The following LOC128706666 variants were observed in gnomAD, a reference collection of about 807,000 sequenced individuals.
chr20:10,422,940 T>C, the LOC128706666 span, among the ~76,000 whole-genome samples: 1 of 152,056 alleles, frequency 6.6e-6, no homozygotes, highest in Non-Finnish European at 1.5e-5. Context: ...CTCGATCTCC[T>C]GACCTTGCGA....
chr20:10,429,698 T>C, the LOC128706666 span, among the ~76,000 whole-genome samples: 1 of 152,184 alleles, frequency 6.6e-6, no homozygotes, highest in South Asian at 2.1e-4. Context: ...CATCCTGCCA[T>C]TTGACATAAG....
the LOC128706666 span, among the ~76,000 whole-genome samples, chr20:10,416,896 A>G: frequency 6.6e-6 from 1 of 152,176 alleles, no homozygotes; most frequent in Non-Finnish European, 1.5e-5. Context: ...GAGTGCTTTT[A>G]CACTACAACA....
chr20:10,433,165 G>T, the LOC128706666 span, among the ~76,000 whole-genome samples: 3 of 152,224 alleles, frequency 2.0e-5, no homozygotes, highest in African/African-American at 4.8e-5. Flanking sequence ...CACTGCGCCC[G>T]GCTCATTTTT....
At chr20:10,427,029 G>C in the LOC128706666 span, among the ~76,000 whole-genome samples, 5 of 130,726 alleles carry the variant, frequency 3.8e-5, no homozygotes, top group African/African-American at 6.2e-5. Context: ...AGAAAACACT[G>C]ACACACACAC....
chr20:10,428,325 C>G, the LOC128706666 span, among the ~76,000 whole-genome samples: 3 of 152,274 alleles, frequency 2.0e-5, no homozygotes, highest in Middle Eastern at 3.4e-3. Context: ...GATCAGATAC[C>G]TAGATGAATG....
the LOC128706666 span, among the ~76,000 whole-genome samples, chr20:10,415,954 C>A: frequency 6.6e-6 from 1 of 151,806 alleles, no homozygotes; most frequent in Non-Finnish European, 1.5e-5. Flanking sequence ...AGGTCTAGAC[C>A]TGAACAAAAG....
At chr20:10,424,354 G>A in the LOC128706666 span, among the ~76,000 whole-genome samples, 2 of 152,022 alleles carry the variant, frequency 1.3e-5, no homozygotes, top group South Asian at 2.1e-4. Context: ...CCATGAGTTC[G>A]AGACTGCCTG....
the LOC128706666 span, among the ~76,000 whole-genome samples, chr20:10,421,167 C>G: frequency 6.6e-6 from 1 of 152,054 alleles, no homozygotes; most frequent in East Asian, 1.9e-4. Context: ...TGGTGGCTCA[C>G]GCCTGTATTC....
chr20:10,427,039 C>CAGACACACACAG, the LOC128706666 span, among the ~76,000 whole-genome samples: 1 of 77,552 alleles, frequency 1.3e-5, no homozygotes, highest in African/African-American at 3.1e-5. Flanking sequence ...GACACACACA[C>CAGACACACACAG]ACACACACAC....
chr20:10,433,806 G>A, the LOC128706666 span, among the ~76,000 whole-genome samples: 1 of 152,194 alleles, frequency 6.6e-6, no homozygotes, highest in Non-Finnish European at 1.5e-5. Flanking sequence ...CGGCGTAGAA[G>A]GCGGCAGCGC....
chr20:10,423,718 T>C, the LOC128706666 span, among the ~76,000 whole-genome samples: 1 of 152,208 alleles, frequency 6.6e-6, no homozygotes, highest in African/African-American at 2.4e-5. Context: ...ATTTTATGTA[T>C]ATTGTGCTTA....
the LOC128706666 span, among the ~76,000 whole-genome samples, chr20:10,432,521 C>T: frequency 5.8e-4 from 89 of 152,198 alleles, no homozygotes; most frequent in African/African-American, 2.1e-3. Flanking sequence ...GGCCAGACGC[C>T]GTGGGTCATG....
chr20:10,431,662 G>T, the LOC128706666 span: 1 of 152,104 alleles, frequency 6.6e-6, no homozygotes, highest in African/African-American at 2.4e-5. Flanking sequence ...CTCTGAATTA[G>T]TCTCAATCCA....
chr20:10,426,411 CTTT>C, the LOC128706666 span, among the ~76,000 whole-genome samples: 29 of 112,384 alleles, frequency 2.6e-4, no homozygotes, highest in Non-Finnish European at 4.2e-4. Context: ...GCATGTTGTT[CTTT>C]TTTCTTTTTT....
chr20:10,431,759 GCCACTTGTCTTCTC>G, the LOC128706666 span: 1 of 152,162 alleles, frequency 6.6e-6, no homozygotes, highest in African/African-American at 2.4e-5. Flanking sequence ...GAAGGTAGCA[GCCACTTGTCTTCTC>G]TGCTATATTC....
chr20:10,415,365 GA>G, the LOC128706666 span, among the ~76,000 whole-genome samples: 23 of 152,160 alleles, frequency 1.5e-4, no homozygotes, highest in African/African-American at 5.3e-4. Context: ...TTGATTTGAA[GA>G]TGTGCAAAGA....
At chr20:10,416,130 G>A in the LOC128706666 span, among the ~76,000 whole-genome samples, 1 of 151,918 alleles carries the variant, frequency 6.6e-6, no homozygotes, top group Non-Finnish European at 1.5e-5. Context: ...ACTATTCTTG[G>A]ATGCACGGGC....
chr20:10,416,551 C>T, the LOC128706666 span, among the ~76,000 whole-genome samples: 1 of 151,422 alleles, frequency 6.6e-6, no homozygotes, highest in African/African-American at 2.4e-5. Flanking sequence ...CATACTAACA[C>T]CAAAAACAAA....
the LOC128706666 span, among the ~76,000 whole-genome samples, chr20:10,427,891 T>G: frequency 2.0e-5 from 3 of 152,304 alleles, no homozygotes; most frequent in Admixed American, 1.3e-4. Context: ...CCATTCAAGG[T>G]CAGCTTGACC....
Sources: allele counts gnomAD v4.1 joint callset (sites outside exome capture counted in the v4.1 genomes callset), GRCh38; gene constraint gnomAD v4.1.1; transcripts MANE v1.5.